The following CPEB4 variants were observed in gnomAD, a reference collection of about 807,000 sequenced individuals.
The protein encoded by CPEB4 is cytoplasmic polyadenylation element-binding protein 4.
Under a neutral mutation model 72.5 loss-of-function variants are expected in CPEB4, and 12 were observed. That is an observed-to-expected ratio of 0.17 (90% CI 0.11 to 0.27). The LOEUF is 0.27. CPEB4 is among the 10% of genes least tolerant of loss of function. The pLI is 1.00. For missense variants in CPEB4, 614 were observed against 908.5 expected (o/e 0.68, Z 4.17); for synonymous variants, 302 against 326.3 (o/e 0.93, Z 0.80).
Position 173,961,223 on chromosome 5 carries a change from G to A in CPEB4, c.*5086G>A, listed in dbSNP as rs1168860579. On this transcript the variant is annotated 3_prime_UTR_variant, in exon 10 of 10. Coordinates refer to ENST00000265085, the MANE Select transcript of CPEB4 (RefSeq NM_030627.4). ...ACCTTACGTTGAGCATTCAATGAAG[G>A]GCCTTGAGGAAACCCCAGGGATGGG... 6.6e-6 allele frequency: 1 copy of A among 152,104 alleles called. No homozygotes were observed. The highest frequency in any genetic ancestry group is 1.5e-5 in the Non-Finnish European group (1 of 68,034). 9.4% of individuals were successfully genotyped at this position (152,104 alleles called of 1,614,324 possible). A position where few individuals can be genotyped will look rare whatever the true frequency, so the allele number is the denominator to read the frequency against.
chr5:173,901,461 TC>T (rs1693781495), intron 1 of CPEB4, among the ~76,000 whole-genome samples: 1 of 152,196 alleles, frequency 6.6e-6, no homozygotes, highest in Non-Finnish European at 1.5e-5. Flanking sequence ...CCCTCCTGCT[TC>T]AGATAATTAC....
At chr5:173,895,994 G>A (rs1755995146) in intron 1 of CPEB4, among the ~76,000 whole-genome samples, 1 of 152,210 alleles carries the variant, frequency 6.6e-6, no homozygotes, top group South Asian at 2.1e-4. Context: ...ATGAGTTTAA[G>A]TTTTTGAAAG....
At chr5:173,949,693 C>T in intron 6 of CPEB4, 96 bp downstream of exon 6, 1 of 847,330 alleles carries the variant, frequency 1.2e-6, no homozygotes, top group Middle Eastern at 2.3e-4. Flanking sequence ...TAAAATGTTG[C>T]ATTGTTAAAC....
At chr5:173,928,258 C>T (rs981106056) in intron 2 of CPEB4, among the ~76,000 whole-genome samples, 1 of 152,078 alleles carries the variant, frequency 6.6e-6, no homozygotes, top group Non-Finnish European at 1.5e-5. Flanking sequence ...AGAATGAATA[C>T]CAAGAGTGAA....
chr5:173,953,469 C>A (rs560254154), intron 9 of CPEB4, 197 bp downstream of exon 9: 2 of 439,270 alleles, frequency 4.6e-6, no homozygotes, highest in South Asian at 1.5e-4. Flanking sequence ...GTAGCCTAAT[C>A]AGAACACTAC....
At chr5:173,948,932 G>A (rs1758126933) in intron 5 of CPEB4, among the ~76,000 whole-genome samples, 1 of 152,024 alleles carries the variant, frequency 6.6e-6, no homozygotes. Flanking sequence ...CTTACATTGG[G>A]GAATAGGTTT....
At chr5:173,934,860 C>A (rs1005649944) in intron 3 of CPEB4, among the ~76,000 whole-genome samples, 10 of 152,206 alleles carry the variant, frequency 6.6e-5, no homozygotes, top group African/African-American at 2.4e-4. Flanking sequence ...TCCATTCTGT[C>A]AGTCATGTTT....
chr5:173,911,554 A>G (rs1756660352), intron 2 of CPEB4, among the ~76,000 whole-genome samples: 1 of 152,168 alleles, frequency 6.6e-6, no homozygotes, highest in Non-Finnish European at 1.5e-5. Flanking sequence ...GGTGATGCTA[A>G]CATGTAGCCA....
intron 3 of CPEB4, among the ~76,000 whole-genome samples, chr5:173,939,647 C>T (rs1271428997): frequency 6.6e-6 from 1 of 151,882 alleles, no homozygotes; most frequent in Non-Finnish European, 1.5e-5. Flanking sequence ...GGAAAGGAAG[C>T]ATTTGTAAGC....
chr5:173,893,147 A>T (rs1755876871), intron 1 of CPEB4: 3 of 152,284 alleles, frequency 2.0e-5, no homozygotes, highest in Admixed American at 1.3e-4. Context: ...CTCTATGACA[A>T]GAAACTCCTA....
chr5:173,908,137 C>G (rs900740511), intron 1 of CPEB4, among the ~76,000 whole-genome samples: 2 of 152,218 alleles, frequency 1.3e-5, no homozygotes, highest in Non-Finnish European at 2.9e-5. Flanking sequence ...CTCAAGTCTA[C>G]TTGGCTTCTG....
In CPEB4 at chr5:173,950,007, A is replaced by C; in HGVS notation, c.1594A>C (p.Ile532Leu). 1 of 1,612,552 alleles carries C rather than the reference A, an allele frequency of 6.2e-7. No homozygotes were observed. Among genetic ancestry groups the C allele is most frequent in the Non-Finnish European group, 8.5e-7 (1 of 1,179,420 alleles). Residue 532 changes from isoleucine (I) to leucine (L), a missense_variant, in exon 7 of 10, where the codon ATT (isoleucine) becomes CTT (leucine). Transcript: ENST00000265085. This position sits in a 1 kb window ranked among gnomAD's most constrained non-coding sequence, Gnocchi z 5.0. ...FQDESSVQAL[I>L]DACIEEDGKL... ...AGATGAAAGCTCTGTGCAGGCTCTC[A>C]TTGATGCATGCATTGAAGAAGATGG...
At position 173,930,702 on chromosome 5, in the gene CPEB4, T is replaced by C. The variant is rs35925569; in HGVS notation, c.1208-1748T>C. 4.1e-4 allele frequency among the ~76,000 whole-genome samples: 63 copies of C among 152,180 alleles called. 2 individuals carry two copies. In the South Asian group the frequency reaches 6.6e-3, roughly 16 times the overall value. The stretch of plus-strand genomic sequence containing the variant: ...ATTTGGTTTTAAAATTGTAGGAAAA[T>C]TGGCAGCCGGGCGCAGTGGCTCACT... On this transcript the variant is annotated intron_variant, in intron 2 of 9. Coordinates refer to ENST00000265085, the MANE Select transcript of CPEB4 (RefSeq NM_030627.4).
At chr5:173,890,900 A>C (rs763320099) in intron 1 of CPEB4, 42 bp downstream of exon 1, 2 of 1,550,330 alleles carry the variant, frequency 1.3e-6, no homozygotes, top group Admixed American at 3.7e-5. Context: ...GAATAAGGAA[A>C]TAGCATGGTG....
intron 1 of CPEB4, among the ~76,000 whole-genome samples, chr5:173,899,392 TG>T (rs1475601908): frequency 2.0e-5 from 3 of 152,148 alleles, no homozygotes; most frequent in Non-Finnish European, 2.9e-5. Flanking sequence ...TTTTTCAAGT[TG>T]TTTTTTTAAA....
At chr5:173,938,501 T>TA (rs201256995) in intron 3 of CPEB4, among the ~76,000 whole-genome samples, 6,419 of 152,272 alleles carry the variant, frequency 0.042, 176 homozygotes, top group East Asian at 0.063. Context: ...GCTGGGGTTA[T>TA]AGGTGTTAGC....
Position 173,959,190 on chromosome 5 carries a change from A to G in CPEB4, c.*3053A>G, listed in dbSNP as rs1370688693. On this transcript the variant is annotated 3_prime_UTR_variant, in exon 10 of 10. Coordinates refer to ENST00000265085, the MANE Select transcript of CPEB4 (RefSeq NM_030627.4). ...TTCACCAAGCATGTAGTTCTAGCGCACTAGCATGGCGCCAGCCATGTACTT... is the reference window on the plus strand; with the variant it reads ...TTCACCAAGCATGTAGTTCTAGCGCGCTAGCATGGCGCCAGCCATGTACTT... 6.5e-6 allele frequency: 1 copy of G among 152,820 alleles called. No homozygotes were observed. Among genetic ancestry groups the G allele is most frequent in the Non-Finnish European group, 1.5e-5 (1 of 68,040 alleles). The allele number at this position is 152,820 out of a possible 1,614,324, so 9.5% of individuals were successfully genotyped here. A position where few individuals can be genotyped will look rare whatever the true frequency, so the allele number is the denominator to read the frequency against.
At chr5:173,924,010 T>C (rs1418824946) in intron 2 of CPEB4, among the ~76,000 whole-genome samples, 5 of 152,288 alleles carry the variant, frequency 3.3e-5, no homozygotes, top group African/African-American at 1.2e-4. Context: ...TGCCTGAAAT[T>C]CTTAGATGCT....
At chr5:173,891,783 G>C (rs960238708) in intron 1 of CPEB4, among the ~76,000 whole-genome samples, 2 of 152,182 alleles carry the variant, frequency 1.3e-5, no homozygotes, top group Admixed American at 6.5e-5. Flanking sequence ...TATATACTTT[G>C]AGGGTATGAT....
Sources: gnomAD v4.1 joint callset for allele counts (sites outside exome capture counted in the v4.1 genomes callset) on GRCh38, gnomAD v4.1.1 for gene constraint, Gnocchi (gnomAD v3.1) non-coding constraint, MANE v1.5 for transcripts, NCBI Gene and HGNC (gene_info 2026-07-23, HGNC 2026-07-21) for gene names.